The following CTNNA3 variants were observed in gnomAD, a reference collection of about 807,000 sequenced individuals.
CTNNA3 encodes the protein catenin alpha-3.
Under a neutral mutation model 95.7 loss-of-function variants are expected in CTNNA3, and 76 were observed. The ratio of observed to expected loss-of-function variants is 0.79; its 90% CI spans 0.66 to 0.96. The LOEUF is 0.96. Ranked by LOEUF, CTNNA3 falls within the 40% of genes least tolerant of loss-of-function variation. The pLI is 0.00. For synonymous variants in CTNNA3, 431 were observed against 374.4 expected (o/e 1.15, Z -1.74); for missense variants, 1,191 against 1,089.8 (o/e 1.09, Z -1.31).
rs2092345762 is a variant in CTNNA3 at position 66,332,711 on chromosome 10, G to T, written c.1732+46441C>A. Among the ~76,000 whole-genome samples, 3 of 152,160 alleles carry T rather than the reference G, an allele frequency of 2.0e-5. No individual in the cohort carries two copies. The South Asian group carries it at 6.2e-4, about 32-fold the overall frequency. ...CTCTTTTTTTGTAGTGTCTCTGCCAGGCTTTGGTATCAGGATGATGCTGGC... is the reference window on the plus strand; with the variant it reads ...CTCTTTTTTTGTAGTGTCTCTGCCATGCTTTGGTATCAGGATGATGCTGGC... On this transcript the variant is annotated intron_variant, in intron 12 of 17. Coordinates refer to ENST00000433211, the MANE Select transcript of CTNNA3 (RefSeq NM_013266.4).
intron 13 of CTNNA3, among the ~76,000 whole-genome samples, chr10:66,110,620 TCTG>T (rs2082087400): frequency 6.6e-6 from 1 of 152,208 alleles, no homozygotes; most frequent in African/African-American, 2.4e-5. Flanking sequence ...CTGCTTTCAT[TCTG>T]CTGATCTTGT....
intron 15 of CTNNA3, among the ~76,000 whole-genome samples, chr10:66,034,036 A>C (rs1442231362): frequency 6.8e-6 from 1 of 146,760 alleles, no homozygotes; most frequent in Non-Finnish European, 1.5e-5. Flanking sequence ...ACCTCATAGG[A>C]TTTACTTAAA....
intron 3 of CTNNA3, among the ~76,000 whole-genome samples, chr10:67,546,764 G>A (rs997175389): frequency 6.6e-6 from 1 of 152,012 alleles, no homozygotes; most frequent in South Asian, 2.1e-4. Context: ...CTTTTGAGGT[G>A]AAAAAATAAA....
At chr10:67,717,961 T>C (rs1324388775) in intron 1 of CTNNA3, among the ~76,000 whole-genome samples, 1 of 152,226 alleles carries the variant, frequency 6.6e-6, no homozygotes, top group Admixed American at 6.5e-5. Context: ...CACAGAATGT[T>C]TTTCCATTTG....
intron 5 of CTNNA3, among the ~76,000 whole-genome samples, chr10:67,403,755 G>A (rs1845019330): frequency 6.6e-6 from 1 of 152,216 alleles, no homozygotes; most frequent in African/African-American, 2.4e-5. Flanking sequence ...CATTCCTCCT[G>A]ACTAGGTGAG....
intron 1 of CTNNA3, among the ~76,000 whole-genome samples, chr10:67,731,800 CAAA>C (rs199645393): frequency 6.8e-5 from 7 of 103,532 alleles, no homozygotes; most frequent in Non-Finnish European, 6.0e-5. Context: ...GACTCCGTCT[CAAA>C]AAAAAAAAAA....
At position 66,674,430 on chromosome 10, in the gene CTNNA3, C is replaced by T. The variant is rs186706870; in HGVS notation, c.1282-52646G>A. Among the ~76,000 whole-genome samples, 326 of 152,090 alleles carry T rather than the reference C, an allele frequency of 2.1e-3. 3 individuals carry two copies. The highest frequency in any genetic ancestry group is 7.5e-3 in the African/African-American group (310 of 41,518). The stretch of plus-strand genomic sequence containing the variant: ...GTCTTTCTAGAGCCTTGGGTTAGCA[C>T]TTTCCTAGCTATTTTACCTTGGGCA... On this transcript the variant is annotated intron_variant, in intron 9 of 17. Coordinates refer to ENST00000433211, the MANE Select transcript of CTNNA3 (RefSeq NM_013266.4).
At chr10:66,242,883 T>C (rs2090164147) in intron 13 of CTNNA3, among the ~76,000 whole-genome samples, 1 of 152,174 alleles carries the variant, frequency 6.6e-6, no homozygotes, top group African/African-American at 2.4e-5. Flanking sequence ...AGTCTAAACA[T>C]CCTTTAATAG....
chr10:66,593,981 A>G (rs1911338), intron 10 of CTNNA3, among the ~76,000 whole-genome samples: 96,295 of 151,834 alleles, frequency 0.63, 31,167 homozygotes, highest in East Asian at 0.91. Context: ...AAATGTTAAC[A>G]ACTCCAAGTT....
At chr10:66,536,225 T>C (rs12256562) in intron 10 of CTNNA3, among the ~76,000 whole-genome samples, 3,438 of 151,884 alleles carry the variant, frequency 0.023, 124 homozygotes, top group African/African-American at 0.079. Flanking sequence ...CTCACACCTG[T>C]AAACCCAGCA....
At chr10:67,377,640 A>T (rs1006980175) in intron 5 of CTNNA3, among the ~76,000 whole-genome samples, 5 of 136,816 alleles carry the variant, frequency 3.7e-5, no homozygotes, top group Admixed American at 7.5e-5. Flanking sequence ...TTTAAAAAAA[A>T]TTTTCATTGA....
chr10:66,745,982 A>G (rs1838854440), intron 9 of CTNNA3, among the ~76,000 whole-genome samples: 1 of 152,152 alleles, frequency 6.6e-6, no homozygotes, highest in South Asian at 2.1e-4. Flanking sequence ...GCATTAGATA[A>G]TAAGTCATAT....
rs186182137 is a variant in CTNNA3, at chr10:67,708,880, T to G, written c.-2+54554A>C. Reference sequence around the variant, plus strand: ...TTATACTCTCTTTATAAAACAAATATTTTTGAATGTTCCTTTTTAATATCC... The same window carrying G: ...TTATACTCTCTTTATAAAACAAATAGTTTTGAATGTTCCTTTTTAATATCC... On this transcript the variant is annotated intron_variant, in intron 1 of 17. Transcript: ENST00000684154. 8.5e-5 allele frequency among the ~76,000 whole-genome samples: 13 copies of G among 152,190 alleles called. 1 individual carries two copies. In the East Asian group the frequency reaches 2.5e-3, roughly 29 times the overall value.
chr10:66,494,521 T>C (rs1213906477), intron 11 of CTNNA3, among the ~76,000 whole-genome samples: 2 of 152,206 alleles, frequency 1.3e-5, no homozygotes, highest in Admixed American at 1.3e-4. Flanking sequence ...GTGTCTAAGT[T>C]TTGTGCTTGC....
chr10:66,877,620 A>G (rs964573326), intron 7 of CTNNA3, among the ~76,000 whole-genome samples: 1 of 152,142 alleles, frequency 6.6e-6, no homozygotes, highest in African/African-American at 2.4e-5. Flanking sequence ...GGAAGCAATG[A>G]GGAAGTCTTT....
intron 7 of CTNNA3, among the ~76,000 whole-genome samples, chr10:67,027,873 T>G (rs1853487550): frequency 1.3e-5 from 2 of 152,234 alleles, no homozygotes; most frequent in Admixed American, 1.3e-4. Context: ...TGTTTGCTTC[T>G]GAATGATAAG....
chr10:67,291,559 T>C (rs562345503), intron 5 of CTNNA3, among the ~76,000 whole-genome samples: 4 of 152,320 alleles, frequency 2.6e-5, no homozygotes, highest in Non-Finnish European at 5.9e-5. Flanking sequence ...GAAGCTCATG[T>C]ACATCTACCA....
chr10:66,800,487 C>A (rs1355534842), intron 7 of CTNNA3, among the ~76,000 whole-genome samples: 1 of 149,962 alleles, frequency 6.7e-6, no homozygotes, highest in Non-Finnish European at 1.5e-5. Context: ...AGATAAAAAA[C>A]AATGAAACAG....
rs1177445967 is a variant in CTNNA3 at position 66,271,414 on chromosome 10, G to A, written c.1884+9056C>T. Among the ~76,000 whole-genome samples the A allele has an allele frequency of 2.0e-5, 3 of 151,950 alleles. No individual in the cohort carries two copies. In the East Asian group the frequency reaches 5.8e-4, roughly 29 times the overall value. On this transcript the variant is annotated intron_variant, in intron 13 of 17. Coordinates refer to ENST00000433211, the MANE Select transcript of CTNNA3 (RefSeq NM_013266.4). ...GGTTAGCATTCCTTAAGAGTTTTTA[G>A]GATAAAAACAAGTTTTTGTACCAAA...
Sources: allele counts gnomAD v4.1 joint callset (sites outside exome capture counted in the v4.1 genomes callset), GRCh38; gene constraint gnomAD v4.1.1; transcripts MANE v1.5; gene names NCBI Gene and HGNC (gene_info 2026-07-23, HGNC 2026-07-21).